The following LPP variants were observed in gnomAD, a reference collection of about 807,000 sequenced individuals.
The protein encoded by LPP is LIM domain containing preferred translocation partner in lipoma.
In LPP, 38 loss-of-function variants were observed where a neutral mutation model predicts 60.4. The observed-to-expected ratio is 0.63, with a 90% confidence interval of 0.49 to 0.83. LPP has a LOEUF of 0.83. Ranked by LOEUF, LPP falls within the 40% of genes least tolerant of loss-of-function variation. The pLI is 0.00. For synonymous variants in LPP, 328 were observed against 290.8 expected (o/e 1.13, Z -1.30); for missense variants, 902 against 783.6 (o/e 1.15, Z -1.80).
chr3:188,733,882 G>T lies in LPP; in HGVS notation c.1240+25489G>T, dbSNP rs1043285717. The stretch of plus-strand genomic sequence containing the variant: ...GTCTACTGTTGTTACTATGATATAG[G>T]CGTATTTCTCACTTATACTTTTTAA... On this transcript the variant is annotated intron_variant, in intron 8 of 11. Transcript: ENST00000617246. Among the ~76,000 whole-genome samples, 13 of 152,166 alleles carry T rather than the reference G, an allele frequency of 8.5e-5. No homozygotes were observed. The East Asian group carries it at 2.5e-3, about 29-fold the overall frequency.
At chr3:188,668,032 A>G (rs185617804) in intron 7 of LPP, among the ~76,000 whole-genome samples, 2 of 152,258 alleles carry the variant, frequency 1.3e-5, no homozygotes, top group East Asian at 3.9e-4. Flanking sequence ...ATCACTTAAA[A>G]GCCAGTATAA....
chr3:188,521,352 A>C (rs1469325641), intron 5 of LPP, among the ~76,000 whole-genome samples: 1 of 152,162 alleles, frequency 6.6e-6, no homozygotes, highest in Admixed American at 6.5e-5. Context: ...ATGTCTTACA[A>C]GCACAGACTG....
At chr3:188,334,110 C>T (rs1760914481) in intron 2 of LPP, among the ~76,000 whole-genome samples, 1 of 152,174 alleles carries the variant, frequency 6.6e-6, no homozygotes, top group African/African-American at 2.4e-5. Flanking sequence ...TGAGAAAGGA[C>T]ATGTGACAAA....
At chr3:188,668,973 T>G (rs1483812511) in intron 7 of LPP, among the ~76,000 whole-genome samples, 1 of 152,186 alleles carries the variant, frequency 6.6e-6, no homozygotes, top group Non-Finnish European at 1.5e-5. Context: ...CCACTAATAT[T>G]TATTGAATGA....
chr3:188,367,532 G>A (rs890140616), intron 3 of LPP, among the ~76,000 whole-genome samples: 1 of 152,112 alleles, frequency 6.6e-6, no homozygotes, highest in Non-Finnish European at 1.5e-5. Context: ...ATATGATGTC[G>A]ATAAAAATAG....
At chr3:188,461,523 C>A (rs1263363140) in intron 4 of LPP, among the ~76,000 whole-genome samples, 1 of 152,090 alleles carries the variant, frequency 6.6e-6, no homozygotes, top group Non-Finnish European at 1.5e-5. Flanking sequence ...GTTTAAAAAA[C>A]ACCCAGATCA....
At chr3:188,309,422 A>G (rs1752682855) in intron 2 of LPP, among the ~76,000 whole-genome samples, 1 of 152,166 alleles carries the variant, frequency 6.6e-6, no homozygotes, top group South Asian at 2.1e-4. Context: ...AGCTAAGGTT[A>G]AAGATGATGG....
chr3:188,534,716 C>T (rs193177990), intron 6 of LPP, among the ~76,000 whole-genome samples: 146 of 152,202 alleles, frequency 9.6e-4, no homozygotes, highest in African/African-American at 3.2e-3. Flanking sequence ...ATTGTTTTGT[C>T]CATTTTGACA....
At chr3:188,325,010 C>T (rs1204861177) in intron 2 of LPP, among the ~76,000 whole-genome samples, 1 of 151,798 alleles carries the variant, frequency 6.6e-6, no homozygotes, top group Non-Finnish European at 1.5e-5. Flanking sequence ...GATGGAGTCT[C>T]GCTCTTGTCT....
intron 7 of LPP, among the ~76,000 whole-genome samples, chr3:188,663,521 T>C (rs1855068165): frequency 6.6e-6 from 1 of 152,216 alleles, no homozygotes; most frequent in African/African-American, 2.4e-5. Context: ...CGTACATCGC[T>C]ACTTAAAACT....
At chr3:188,800,175 C>CT (rs35258838) in intron 9 of LPP, among the ~76,000 whole-genome samples, 4,470 of 115,658 alleles carry the variant, frequency 0.039, 182 homozygotes, top group African/African-American at 0.09. Context: ...AACATTGTTT[C>CT]TTTTTTTTTT....
chr3:188,887,132 T>A lies in LPP; in HGVS notation c.*12653T>A, dbSNP rs760050160. The A allele has an allele frequency of 4.4e-6, 1 of 228,544 alleles. No individual in the cohort carries two copies. The highest frequency in any genetic ancestry group is 8.7e-6 in the Non-Finnish European group (1 of 115,102). 14.2% of individuals were successfully genotyped at this position (228,544 alleles called of 1,614,324 possible). ...AATCGTTACTATCTTGACTCTTTCCTTCATCACAAGAGAGTAAATATGAAG... is the reference window on the plus strand; with the variant it reads ...AATCGTTACTATCTTGACTCTTTCCATCATCACAAGAGAGTAAATATGAAG... On this transcript the variant is annotated 3_prime_UTR_variant, in exon 12 of 12. Transcript: ENST00000617246.
intron 5 of LPP, among the ~76,000 whole-genome samples, chr3:188,519,063 A>T (rs1044687615): frequency 6.6e-6 from 1 of 152,230 alleles, no homozygotes; most frequent in African/African-American, 2.4e-5. Flanking sequence ...TCATCTATGG[A>T]CACTAAAACC....
At position 188,419,189 on chromosome 3, in the gene LPP, G is replaced by A. The variant is rs187647524; in HGVS notation, c.193+12876G>A. 1.1e-4 allele frequency among the ~76,000 whole-genome samples: 16 copies of A among 152,212 alleles called. No homozygotes were observed. The East Asian group carries it at 2.1e-3, about 20-fold the overall frequency. ...TATCTTGACATCTGCATTAAATTCC[G>A]TTCTTTTACTGGGTCCTATTCACTT... On this transcript the variant is annotated intron_variant, in intron 4 of 11. Coordinates refer to ENST00000617246, the MANE Select transcript of LPP (RefSeq NM_001375462.1).
At chr3:188,816,232 C>T (rs571344811) in intron 9 of LPP, among the ~76,000 whole-genome samples, 122 of 127,298 alleles carry the variant, frequency 9.6e-4, no homozygotes, top group African/African-American at 3.2e-3. Flanking sequence ...GATGGAGTCT[C>T]GCTCTGTCGC....
chr3:188,196,233 G>A (rs1402995439), intron 1 of LPP, among the ~76,000 whole-genome samples: 2 of 152,128 alleles, frequency 1.3e-5, no homozygotes, highest in Non-Finnish European at 2.9e-5. Context: ...ACTGCTAGGT[G>A]TTTATCTCCA....
chr3:188,562,231 A>G (rs1418972268), intron 6 of LPP: 1 of 152,036 alleles, frequency 6.6e-6, no homozygotes, highest in African/African-American at 2.4e-5. Context: ...AAAAAAGACA[A>G]TGAAAATCAA....
chr3:188,506,761 A>G (rs7428265), intron 5 of LPP, among the ~76,000 whole-genome samples: 18,771 of 151,972 alleles, frequency 0.12, 1,215 homozygotes, highest in Admixed American at 0.14. Flanking sequence ...CAGGATCACA[A>G]CCCATATTTC....
At chr3:188,178,406 C>G (rs1306578240) in intron 1 of LPP, 1 of 152,406 alleles carries the variant, frequency 6.6e-6, no homozygotes, top group African/African-American at 2.4e-5. Flanking sequence ...AGGGACTACT[C>G]TAAGCACCAT....
Sources: allele counts gnomAD v4.1 joint callset (sites outside exome capture counted in the v4.1 genomes callset), GRCh38; gene constraint gnomAD v4.1.1; transcripts MANE v1.5; gene names NCBI Gene and HGNC (gene_info 2026-07-23, HGNC 2026-07-21).